Variants in PATJ observed in about 807,000 individuals in gnomAD.
PATJ encodes inaD-like protein.
A neutral mutation model predicts 224.9 loss-of-function variants in PATJ; 190 were observed. The observed-to-expected ratio is 0.84, with a 90% CI of 0.75 to 0.95. PATJ has a LOEUF of 0.95. PATJ is among the 40% of genes least tolerant of loss of function. The probability of loss-of-function intolerance (pLI) is 0.00; values close to 1 mark genes in which losing one functional copy is unlikely to be tolerated. For synonymous variants in PATJ, 769 were observed against 820.3 expected (o/e 0.94, Z 1.07); for missense variants, 2,121 against 2,270.3 (o/e 0.93, Z 1.34).
At chr1:61,982,395 G>A (rs1008041293) in intron 27 of PATJ, among the ~76,000 whole-genome samples, 4 of 152,082 alleles carry the variant, frequency 2.6e-5, no homozygotes, top group South Asian at 2.1e-4. Context: ...GATGGCTGTG[G>A]TGTGATGAAC....
intron 4 of PATJ, 66 bp from the exon 5 acceptor site, chr1:61,769,217 T>C (rs1034833316): frequency 1.3e-6 from 2 of 1,512,078 alleles, no homozygotes; most frequent in Admixed American, 2.1e-5. Flanking sequence ...CAATTTCAGT[T>C]CTGCAGACAG....
At chr1:61,779,311 A>G (rs1479892958) in intron 7 of PATJ, among the ~76,000 whole-genome samples, 2 of 152,210 alleles carry the variant, frequency 1.3e-5, no homozygotes, top group East Asian at 3.8e-4. Context: ...TTGATGTTGT[A>G]GTCTTGTGTT....
At chr1:62,144,014 A>G (rs1365712116) in intron 41 of PATJ, among the ~76,000 whole-genome samples, 1 of 152,184 alleles carries the variant, frequency 6.6e-6, no homozygotes, top group Non-Finnish European at 1.5e-5. Flanking sequence ...GGAGGATAAA[A>G]GAGTTCATGG....
chr1:61,964,776 A>G (rs1257600830), intron 27 of PATJ, among the ~76,000 whole-genome samples: 1 of 152,014 alleles, frequency 6.6e-6, no homozygotes, highest in African/African-American at 2.4e-5. Context: ...CAACAGAGCA[A>G]GGCCTCAACT....
chr1:61,866,629 TAA>T (rs61543275), intron 20 of PATJ, among the ~76,000 whole-genome samples: 3 of 147,828 alleles, frequency 2.0e-5, no homozygotes, highest in African/African-American at 7.4e-5. Flanking sequence ...AACGTTAAGT[TAA>T]AAAAAAAAAT....
Position 61,797,398 on chromosome 1 carries a change from ACTT to A in PATJ, c.1375_1377del (p.Ser459del), listed in dbSNP as rs759584495. On this transcript the variant is annotated inframe_deletion, in exon 11 of 44. Transcript: ENST00000642238. Reference sequence around the variant, plus strand: ...AGTTCGAAGGAAGACATCCTCATCTACTTCTCCACTTGAACCACCTTCAGACAG... The same window carrying A: ...AGTTCGAAGGAAGACATCCTCATCTACTCCACTTGAACCACCTTCAGACAG... The A allele has an allele frequency of 6.2e-7, 1 of 1,613,772 alleles. No individual in the cohort carries two copies. Among genetic ancestry groups the A allele is most frequent in the Non-Finnish European group, 8.5e-7 (1 of 1,179,730 alleles).
chr1:61,789,024 A>G (rs1322727745), intron 8 of PATJ, among the ~76,000 whole-genome samples: 1 of 151,980 alleles, frequency 6.6e-6, no homozygotes, highest in East Asian at 1.9e-4. Flanking sequence ...GAAAAGAGAA[A>G]TGGGCCAGAT....
intron 9 of PATJ, among the ~76,000 whole-genome samples, chr1:61,792,689 C>A (rs900364660): frequency 3.3e-5 from 5 of 152,012 alleles, no homozygotes; most frequent in Non-Finnish European, 7.4e-5. Flanking sequence ...ACCACCACCC[C>A]CGGATAATTT....
At chr1:61,859,561 C>A (rs1320402183) in intron 18 of PATJ, among the ~76,000 whole-genome samples, 1 of 151,950 alleles carries the variant, frequency 6.6e-6, no homozygotes, top group African/African-American at 2.4e-5. Context: ...CTCTCTCTCT[C>A]CCCTTCTCTC....
At chr1:62,042,479 T>C (rs945707134) in intron 30 of PATJ, among the ~76,000 whole-genome samples, 1 of 152,186 alleles carries the variant, frequency 6.6e-6, no homozygotes, top group Non-Finnish European at 1.5e-5. Flanking sequence ...ATATCCAGCA[T>C]ATGGCTAAAA....
At position 62,163,805 on chromosome 1, in the gene PATJ, A is replaced by AC. The variant is rs1669997600; in HGVS notation, c.*2752dup. 1 of 152,192 alleles carries AC rather than the reference A, an allele frequency of 6.6e-6. No homozygotes were observed. 9.4% of individuals were successfully genotyped at this position (152,192 alleles called of 1,614,324 possible). A position where few individuals can be genotyped will look rare whatever the true frequency, so the allele number is the denominator to read the frequency against. On this transcript the variant is annotated 3_prime_UTR_variant, in exon 44 of 44. Coordinates refer to ENST00000642238, the MANE Select transcript of PATJ (RefSeq NM_001350145.3). ...GCCATTTCAGTATAGTAATGATATC[A>AC]CTAATCGGAATTAGCATGAGAGGGA... is the stretch of plus-strand genomic sequence containing the variant.
rs1248610950 is a variant in PATJ at position 62,155,625 on chromosome 1, A to G, written c.5502+2144A>G. On this transcript the variant is annotated intron_variant, in intron 43 of 43. Transcript: ENST00000642238. ...AGTAGAAACATTGTAAGGAATAGAT[A>G]TTGAATATTCTTCATGTATTTCGTT... is the stretch of plus-strand genomic sequence containing the variant. Among the ~76,000 whole-genome samples the G allele has an allele frequency of 2.6e-5, 4 of 151,420 alleles. No individual in the cohort carries two copies. In the East Asian group the frequency reaches 7.8e-4, roughly 30 times the overall value.
In PATJ at chr1:62,084,572, A is replaced by G. The variant is rs1480231786; in HGVS notation, c.4301A>G (p.Gln1434Arg). 9.9e-6 allele frequency: 16 copies of G among 1,613,356 alleles called. No homozygotes were observed. The highest frequency in any genetic ancestry group is 1.4e-5 in the Non-Finnish European group (16 of 1,179,806). ...DPATCPIVPG[Q>R]EMIIEISKGR... ...GCAACGTGTCCCATTGTCCCTGGAC[A>G]GGAAATGATTATAGAAATATCCAAG... Residue 1434 changes from glutamine to arginine, a missense_variant, in exon 33 of 44, where the codon CAG becomes CGG. Coordinates refer to ENST00000642238, the MANE Select transcript of PATJ (RefSeq NM_001350145.3).
intron 14 of PATJ, among the ~76,000 whole-genome samples, chr1:61,821,909 A>G (rs763095917): frequency 6.6e-6 from 1 of 152,148 alleles, no homozygotes; most frequent in Non-Finnish European, 1.5e-5. Context: ...GATGGGTGCA[A>G]CTGAGACACT....
chr1:61,751,042 C>T (rs1056497971), intron 1 of PATJ, among the ~76,000 whole-genome samples: 2 of 148,612 alleles, frequency 1.3e-5, no homozygotes, highest in Admixed American at 1.4e-4. Flanking sequence ...CACTCTGTTG[C>T]CCAGGCTGGA....
At chr1:61,784,720 A>G (rs933236370) in intron 7 of PATJ, among the ~76,000 whole-genome samples, 2 of 152,210 alleles carry the variant, frequency 1.3e-5, no homozygotes, top group African/African-American at 4.8e-5. Flanking sequence ...TTACAGAGGC[A>G]ACTTTACCCT....
chr1:61,926,356 C>T (rs1375022475), intron 26 of PATJ, among the ~76,000 whole-genome samples: 1 of 152,066 alleles, frequency 6.6e-6, no homozygotes, highest in African/African-American at 2.4e-5. Flanking sequence ...TCAGTAGAAG[C>T]TAAATAAATA....
intron 38 of PATJ, among the ~76,000 whole-genome samples, chr1:62,122,319 C>T (rs1007407859): frequency 2.1e-5 from 3 of 143,520 alleles, no homozygotes; most frequent in Non-Finnish European, 4.5e-5. Context: ...GAGCTAAGAT[C>T]GGACCACTGC....
chr1:61,937,916 C>T (rs1454860544), intron 27 of PATJ, among the ~76,000 whole-genome samples: 1 of 152,208 alleles, frequency 6.6e-6, no homozygotes, highest in Non-Finnish European at 1.5e-5. Context: ...TCCCAGAGTG[C>T]TGGGATTGCA....
Sources: allele counts gnomAD v4.1 joint callset (sites outside exome capture counted in the v4.1 genomes callset), GRCh38; gene constraint gnomAD v4.1.1; transcripts MANE v1.5; gene names NCBI Gene and HGNC (gene_info 2026-07-23, HGNC 2026-07-21).